The following GPSM2 variants were observed in gnomAD, a reference collection of about 807,000 sequenced individuals.
The protein encoded by GPSM2 is G protein signaling modulator 2, also known as G protein-signaling modulator 2.
A neutral mutation model predicts 78.4 loss-of-function variants in GPSM2; 58 were observed. That is an observed-to-expected ratio of 0.74 (90% CI 0.60 to 0.92). GPSM2 has a LOEUF of 0.92. GPSM2 is among the 40% of genes least tolerant of loss of function. The pLI is 0.00. For missense variants in GPSM2, 700 were observed against 815.5 expected (o/e 0.86, Z 1.73); for synonymous variants, 224 against 280.2 (o/e 0.80, Z 2.00).
rs778687676 is a variant in GPSM2 at position 108,929,694 on chromosome 1, CTTCT to C, written c.1816-6_1816-3del. On this transcript the variant is annotated splice_region_variant and splice_polypyrimidine_tract_variant and intron_variant, in intron 14 of 14. Transcript: ENST00000264126. The stretch of plus-strand genomic sequence containing the variant: ...TATGTCTTTTAATCTCTCTCATAAA[CTTCT>C]AGGGATCCAGATTAGATGATCAAAG... 6.2e-7 allele frequency: 1 copy of C among 1,612,576 alleles called. No homozygotes were observed. The highest frequency in any genetic ancestry group is 1.1e-5 in the South Asian group (1 of 91,054).
intron 14 of GPSM2, among the ~76,000 whole-genome samples, chr1:108,928,572 A>G (rs1651347520): frequency 6.6e-6 from 1 of 152,236 alleles, no homozygotes; most frequent in South Asian, 2.1e-4. Flanking sequence ...GCATATTCAA[A>G]TATCAGCTAT....
At chr1:108,914,989 G>T (rs531570210) in intron 11 of GPSM2, among the ~76,000 whole-genome samples, 1 of 152,220 alleles carries the variant, frequency 6.6e-6, no homozygotes, top group Non-Finnish European at 1.5e-5. Flanking sequence ...CAGTAAAAGG[G>T]AAGGGACTTC....
At chr1:108,892,614 A>G (rs1648053203) in intron 2 of GPSM2, among the ~76,000 whole-genome samples, 1 of 152,158 alleles carries the variant, frequency 6.6e-6, no homozygotes, top group Admixed American at 6.5e-5. Flanking sequence ...ATGGAGGGGT[A>G]TGTTCTTGGT....
At chr1:108,889,678 A>G (rs1347611794) in intron 2 of GPSM2, among the ~76,000 whole-genome samples, 4 of 152,166 alleles carry the variant, frequency 2.6e-5, no homozygotes, top group African/African-American at 7.2e-5. Context: ...CGCCATAGCT[A>G]TAATTGAGAT....
At position 108,898,723 on chromosome 1, in the gene GPSM2, C is replaced by T. The variant is rs1312359324; in HGVS notation, c.639C>T (p.Tyr213=). The T allele has an allele frequency of 6.2e-7, 1 of 1,613,956 alleles. No homozygotes were observed. Among genetic ancestry groups the T allele is most frequent in the South Asian group, 1.1e-5 (1 of 91,078 alleles). The stretch of plus-strand genomic sequence containing the variant: ...TTGGAAATCTTGGAAACACACATTA[C>T]CTCCTTGGCAACTTCAGGGATGCAG... ...RAFGNLGNTH[Y]LLGNFRDAVI... is the part of the protein sequence containing the mutation. The change falls in exon 6 of 15, where the codon TAC becomes TAT. Residue 213 remains tyrosine, a synonymous_variant. Coordinates refer to ENST00000264126, the MANE Select transcript of GPSM2 (RefSeq NM_013296.5).
At chr1:108,908,599 T>C (rs965627872) in intron 10 of GPSM2, among the ~76,000 whole-genome samples, 11 of 150,576 alleles carry the variant, frequency 7.3e-5, no homozygotes, top group South Asian at 2.1e-4. Flanking sequence ...GGCGTGAACC[T>C]GGGGGGCGGA....
intron 10 of GPSM2, among the ~76,000 whole-genome samples, chr1:108,908,041 T>G (rs1329997072): frequency 1.3e-5 from 2 of 152,250 alleles, no homozygotes; most frequent in Non-Finnish European, 2.9e-5. Flanking sequence ...TCATGAGTTA[T>G]AAAATGAGTC....
At chr1:108,922,326 T>A in intron 12 of GPSM2, 91 bp from the exon 13 acceptor site, 1 of 916,674 alleles carries the variant, frequency 1.1e-6, no homozygotes, top group Non-Finnish European at 1.8e-6. Flanking sequence ...ATCCTTTACC[T>A]TTTGCATTTG....
At chr1:108,881,322 G>A (rs1405928763) in intron 1 of GPSM2, among the ~76,000 whole-genome samples, 4 of 152,170 alleles carry the variant, frequency 2.6e-5, no homozygotes, top group African/African-American at 9.7e-5. Context: ...GAGGTTGGAG[G>A]TTGAACTTGA....
chr1:108,907,509 C>G (rs759403764), intron 10 of GPSM2, among the ~76,000 whole-genome samples: 35 of 151,898 alleles, frequency 2.3e-4, no homozygotes, highest in Non-Finnish European at 2.5e-4. Flanking sequence ...AAAAAAATAA[C>G]AAAATTAGGT....
chr1:108,892,274 T>C (rs1412032328), intron 2 of GPSM2, among the ~76,000 whole-genome samples: 1 of 152,216 alleles, frequency 6.6e-6, no homozygotes, highest in African/African-American at 2.4e-5. Context: ...TTTAGAAAGA[T>C]GTAGCATCAT....
At chr1:108,886,762 G>A (rs1647581924) in intron 2 of GPSM2, among the ~76,000 whole-genome samples, 1 of 152,206 alleles carries the variant, frequency 6.6e-6, no homozygotes, top group Non-Finnish European at 1.5e-5. Context: ...CAGGAAAGGA[G>A]GGAAGATAGC....
intron 9 of GPSM2, 110 bp downstream of exon 9, chr1:108,903,344 A>G: frequency 1.5e-6 from 1 of 680,566 alleles, no homozygotes; most frequent in Non-Finnish European, 2.7e-6. Flanking sequence ...AATAAATTTG[A>G]TTATATATCA....
intron 1 of GPSM2, among the ~76,000 whole-genome samples, chr1:108,882,418 T>C (rs761644443): frequency 6.6e-6 from 1 of 152,234 alleles, no homozygotes; most frequent in Non-Finnish European, 1.5e-5. Flanking sequence ...CTAGATTATT[T>C]ATGATACCTA....
At chr1:108,915,342 G>A (rs1456717651) in intron 11 of GPSM2, among the ~76,000 whole-genome samples, 3 of 136,464 alleles carry the variant, frequency 2.2e-5, no homozygotes, top group Non-Finnish European at 4.6e-5. Context: ...CTGTACTCCA[G>A]CCTGGCAACA....
At chr1:108,910,647 G>A (rs1417020799) in intron 10 of GPSM2, among the ~76,000 whole-genome samples, 1 of 152,028 alleles carries the variant, frequency 6.6e-6, no homozygotes, top group Non-Finnish European at 1.5e-5. Flanking sequence ...GGCGGATCAT[G>A]AGGTCAGGAG....
Position 108,932,453 on chromosome 1 carries a change from C to T in GPSM2, c.*2513C>T, listed in dbSNP as rs1652157424. 1 of 152,164 alleles carries T rather than the reference C, an allele frequency of 6.6e-6. No homozygotes were observed. Among genetic ancestry groups the T allele is most frequent in the African/African-American group, 2.4e-5 (1 of 41,436 alleles). 9.4% of individuals were successfully genotyped at this position (152,164 alleles called of 1,614,324 possible). A position where few individuals can be genotyped will look rare whatever the true frequency, so the allele number is the denominator to read the frequency against. ...TGCTGTCATCATTCAACAACAGTTG[C>T]ATGTCGCCTTGCTAGCTGTCAAAGT... is the stretch of plus-strand genomic sequence containing the variant. On this transcript the variant is annotated 3_prime_UTR_variant, in exon 15 of 15. Transcript: ENST00000264126.
chr1:108,908,518 C>T lies in GPSM2; in HGVS notation c.1192+4264C>T, dbSNP rs189940274. Reference sequence around the variant, plus strand: ...CTAACACGGTGAAACCGTGTCTCTACTAAAAAATTAGCTGGGCGTGGTGGC... The same window carrying T: ...CTAACACGGTGAAACCGTGTCTCTATTAAAAAATTAGCTGGGCGTGGTGGC... On this transcript the variant is annotated intron_variant, in intron 10 of 14. Transcript: ENST00000264126. Among the ~76,000 whole-genome samples, 334 of 145,270 alleles carry T rather than the reference C, an allele frequency of 2.3e-3. 3 individuals are homozygous for T. Among genetic ancestry groups the T allele is most frequent in the Non-Finnish European group, 1.6e-3 (104 of 66,398 alleles).
chr1:108,906,152 A>G (rs1482202641), intron 10 of GPSM2, among the ~76,000 whole-genome samples: 2 of 151,820 alleles, frequency 1.3e-5, no homozygotes, highest in East Asian at 3.8e-4. Flanking sequence ...ACCCCACCCT[A>G]TCTCAGGAAA....
Sources: gnomAD v4.1 joint callset for allele counts (sites outside exome capture counted in the v4.1 genomes callset) on GRCh38, gnomAD v4.1.1 for gene constraint, MANE v1.5 for transcripts, NCBI Gene and HGNC (gene_info 2026-07-23, HGNC 2026-07-21) for gene names.